Variants in FCRL4 observed in about 807,000 individuals in gnomAD.
FCRL4 encodes the protein Fc receptor-like protein 4.
In FCRL4, 43 loss-of-function variants were observed where a neutral mutation model predicts 64.1. That is an observed-to-expected ratio of 0.67 (90% CI 0.53 to 0.87). The LOEUF (loss-of-function observed/expected upper bound fraction) is 0.87. Ranked by LOEUF, FCRL4 falls within the 40% of genes least tolerant of loss-of-function variation. The probability of loss-of-function intolerance (pLI) is 0.00; values close to 1 mark genes in which losing one functional copy is unlikely to be tolerated. For missense variants in FCRL4, 656 were observed against 613.5 expected (o/e 1.07, Z -0.73); for synonymous variants, 253 against 239.8 (o/e 1.05, Z -0.51).
rs751490292 is a variant in FCRL4, at chr1:157,578,494, T to A, written c.1409A>T (p.Gln470Leu). Residue 470 changes from glutamine to leucine, a missense_variant, in exon 10 of 12, where the codon CAG becomes CTG. Coordinates refer to ENST00000271532, the MANE Select transcript of FCRL4 (RefSeq NM_031282.3). The part of the protein sequence containing the change: ...DLVYSEIQTT[Q>L]LGEEEEANTS... ...CGTACCTTCCTCTTCTTCTCCCAGC[T>A]GAGTAGTCTGGATCTCAGAGTATAC... 6.2e-7 allele frequency: 1 copy of A among 1,613,726 alleles called. No individual in the cohort carries two copies. The highest frequency in any genetic ancestry group is 8.5e-7 in the Non-Finnish European group (1 of 1,179,716).
At chr1:157,579,842 A>G (rs1046253380) in intron 8 of FCRL4, among the ~76,000 whole-genome samples, 2 of 152,262 alleles carry the variant, frequency 1.3e-5, no homozygotes, top group Non-Finnish European at 2.9e-5. Context: ...AGACACTGAC[A>G]TAGAAGGAGG....
At chr1:157,585,969 C>T (rs1453044382) in intron 6 of FCRL4, among the ~76,000 whole-genome samples, 199 bp downstream of exon 6, 1 of 152,166 alleles carries the variant, frequency 6.6e-6, no homozygotes. Flanking sequence ...TGGCTCCCAG[C>T]CACCATTACC....
intron 10 of FCRL4, 132 bp from the exon 11 acceptor site, chr1:157,575,862 C>T (rs1268464601): frequency 1.2e-6 from 1 of 817,020 alleles, no homozygotes; most frequent in African/African-American, 1.7e-5. Context: ...CATCCCCTAA[C>T]ATGTCCTGCA....
intron 10 of FCRL4, among the ~76,000 whole-genome samples, chr1:157,578,239 T>C (rs1652458533): frequency 6.6e-6 from 1 of 152,098 alleles, no homozygotes. Context: ...ACAATATCTA[T>C]CAGAAGGATG....
chr1:157,596,862 A>T (rs1652977604), intron 1 of FCRL4, among the ~76,000 whole-genome samples: 1 of 152,144 alleles, frequency 6.6e-6, no homozygotes, highest in Non-Finnish European at 1.5e-5. Context: ...AGCTGCATAA[A>T]CCTCAGGGAC....
rs370897126 is a variant in FCRL4 at position 157,575,502 on chromosome 1, G to A, written c.*22C>T. The A allele has an allele frequency of 3.0e-5, 47 of 1,585,028 alleles. No homozygotes were observed. Among genetic ancestry groups the A allele is most frequent in the Middle Eastern group, 3.9e-4 (2 of 5,078 alleles). On this transcript the variant is annotated 3_prime_UTR_variant, in exon 12 of 12. Transcript: ENST00000271532. ...AAGGGAGAAATCACATGAGTAGGAC[G>A]TTCTCGTAACTTTTCATTCTCTTAA... is the stretch of plus-strand genomic sequence containing the variant.
intron 2 of FCRL4, among the ~76,000 whole-genome samples, chr1:157,591,129 A>G (rs1485296209): frequency 6.6e-6 from 1 of 152,190 alleles, no homozygotes; most frequent in African/African-American, 2.4e-5. Context: ...AAATGGTTCT[A>G]TTTGGAAGAT....
At chr1:157,589,545 G>A in intron 2 of FCRL4, 87 bp from the exon 3 acceptor site, 1 of 1,508,938 alleles carries the variant, frequency 6.6e-7, no homozygotes, top group Non-Finnish European at 9.0e-7. Flanking sequence ...GGAGGACATG[G>A]CTTGGGAGAT....
At chr1:157,582,595 GAAC>G (rs956258635) in intron 6 of FCRL4, among the ~76,000 whole-genome samples, 1 of 152,168 alleles carries the variant, frequency 6.6e-6, no homozygotes, top group Admixed American at 6.5e-5. Flanking sequence ...GCAGGTAGTA[GAAC>G]AACAGCAACA....
At chr1:157,588,736 G>A (rs1652765259) in intron 3 of FCRL4, among the ~76,000 whole-genome samples, 2 of 152,222 alleles carry the variant, frequency 1.3e-5, no homozygotes. Flanking sequence ...CTGGACAGGA[G>A]GAGCTGTGGG....
In FCRL4 at chr1:157,578,780, C is replaced by G. The variant is rs1308267631; in HGVS notation, c.1350G>C (p.Leu450Phe). Residue 450 changes from leucine (L) to phenylalanine (F), a missense_variant, in exon 9 of 12, where the codon TTG (leucine) becomes TTC (phenylalanine). Transcript: ENST00000271532. Reference protein sequence around the residue: ...ICPAQVELQSLYVDVHPKKGD... With the variant: ...ICPAQVELQSFYVDVHPKKGD... ...GAAGGGAATCCTCACCATCAACATA[C>G]AACGACTGAAGCTCCACCTGGGCAG... 1.2e-6 allele frequency: 2 copies of G among 1,613,874 alleles called. No homozygotes were observed. The highest frequency in any genetic ancestry group is 1.7e-6 in the Non-Finnish European group (2 of 1,179,916).
Position 157,589,165 on chromosome 1 carries a change from C to T in FCRL4, c.307+39G>A, listed in dbSNP as rs749728308. 10 of 1,599,544 alleles carry T rather than the reference C, an allele frequency of 6.3e-6. No individual in the cohort carries two copies. The South Asian group carries it at 7.8e-5, about 12-fold the overall frequency. On this transcript the variant is annotated intron_variant, in intron 3 of 11. Transcript: ENST00000271532. ...TCCAGGGAGCTAAGATAAACTGATA[C>T]CATTTATAAAGTTTCAACTAATTCA...
At chr1:157,595,275 G>A (rs556581391) in intron 2 of FCRL4, among the ~76,000 whole-genome samples, 1 of 152,364 alleles carries the variant, frequency 6.6e-6, no homozygotes, top group Non-Finnish European at 1.5e-5. Flanking sequence ...CAGTGGGAAT[G>A]GGGCTGTGTT....
intron 1 of FCRL4, among the ~76,000 whole-genome samples, chr1:157,596,785 G>T (rs933027394): frequency 6.6e-6 from 1 of 152,126 alleles, no homozygotes; most frequent in Non-Finnish European, 1.5e-5. Context: ...ACAGTAGAGG[G>T]TAGTAGTTAA....
chr1:157,578,686 G>A, intron 9 of FCRL4, 84 bp downstream of exon 9: 1 of 1,456,716 alleles, frequency 6.9e-7, no homozygotes, highest in Non-Finnish European at 9.6e-7. Context: ...ACTTTAGGGA[G>A]TCCAGGGGCA....
chr1:157,579,128 G>T (rs1652488134), intron 8 of FCRL4, among the ~76,000 whole-genome samples: 1 of 152,222 alleles, frequency 6.6e-6, no homozygotes, highest in Non-Finnish European at 1.5e-5. Flanking sequence ...TCGTCTCATA[G>T]TCAGAATGAT....
intron 7 of FCRL4, chr1:157,580,657 G>T (rs9729262): frequency 0.037 from 12,480 of 336,836 alleles, 1,458 homozygotes; most frequent in African/African-American, 0.25. Context: ...AGTGAGCTGT[G>T]GGTGAACTTC....
chr1:157,596,962 T>C (rs1332912084), intron 1 of FCRL4, among the ~76,000 whole-genome samples: 2 of 152,190 alleles, frequency 1.3e-5, no homozygotes, highest in African/African-American at 2.4e-5. Context: ...ATTGGATACA[T>C]TTATACATGG....
chr1:157,579,187 G>C (rs1652489813), intron 8 of FCRL4, among the ~76,000 whole-genome samples: 1 of 152,084 alleles, frequency 6.6e-6, no homozygotes. Context: ...GGGCAACATA[G>C]TGAGACCTTG....
Sources: gnomAD v4.1 joint callset for allele counts (sites outside exome capture counted in the v4.1 genomes callset) on GRCh38, gnomAD v4.1.1 for gene constraint, MANE v1.5 for transcripts, NCBI Gene and HGNC (gene_info 2026-07-23, HGNC 2026-07-21) for gene names.